ARHGAP15: variants seen among roughly 807,000 people sequenced by gnomAD.
ARHGAP15 encodes the protein rho GTPase-activating protein 15.
A neutral mutation model predicts 63.7 loss-of-function variants in ARHGAP15; 51 were observed. The observed-to-expected ratio is 0.80, with a 90% CI of 0.64 to 1.01. The LOEUF is 1.01. Among genes scored for constraint, ARHGAP15 ranks in the 50% least tolerant of loss-of-function variants. The probability of loss-of-function intolerance (pLI) is 0.00; values close to 1 mark genes in which losing one functional copy is unlikely to be tolerated. For missense variants in ARHGAP15, 560 were observed against 564.6 expected, an observed-to-expected ratio of 0.99 and a Z score of 0.08; for synonymous variants, 191 against 193.8, an observed-to-expected ratio of 0.99 and a Z score of 0.12.
At chr2:143,593,900 C>G (rs981535285) in intron 11 of ARHGAP15, among the ~76,000 whole-genome samples, 1 of 152,032 alleles carries the variant, frequency 6.6e-6, no homozygotes, top group Non-Finnish European at 1.5e-5. Context: ...ATACACGTTA[C>G]AAAAATGATT....
intron 4 of ARHGAP15, among the ~76,000 whole-genome samples, chr2:143,218,269 T>C (rs1692838212): frequency 6.7e-6 from 1 of 149,174 alleles, no homozygotes; most frequent in Non-Finnish European, 1.5e-5. Flanking sequence ...TTATATGTTT[T>C]AGTTTTCCTT....
At position 143,175,961 on chromosome 2, in the gene ARHGAP15, A is replaced by G. The variant is rs77915309; in HGVS notation, c.165+20306A>G. 9.1e-3 allele frequency among the ~76,000 whole-genome samples: 1,382 copies of G among 152,310 alleles called. 25 individuals carry two copies. The highest frequency in any genetic ancestry group is 0.032 in the African/African-American group (1,311 of 41,566). On this transcript the variant is annotated intron_variant, in intron 2 of 13. Coordinates refer to ENST00000295095, the MANE Select transcript of ARHGAP15 (RefSeq NM_018460.4). ...TAGTATAATATACATAATACTTGAA[A>G]GAAATTAGTATGTTATACATTGAAA...
chr2:143,480,749 A>G (rs1300155870), intron 8 of ARHGAP15: 2 of 152,238 alleles, frequency 1.3e-5, no homozygotes, highest in African/African-American at 2.4e-5. Flanking sequence ...CCACTCTGAC[A>G]TAGGGAGTTA....
rs146987888 is a variant in ARHGAP15 at position 143,753,913 on chromosome 2, C to T, written c.1245-14076C>T. On this transcript the variant is annotated intron_variant, in intron 13 of 13. Coordinates refer to ENST00000295095, the MANE Select transcript of ARHGAP15 (RefSeq NM_018460.4). ...AGGCCCTTAAGTTCTCAAACAGTTG[C>T]GCTTTTTATTTTTGCCTTCATCTTC... 4.6e-5 allele frequency among the ~76,000 whole-genome samples: 7 copies of T among 152,280 alleles called. No individual in the cohort carries two copies. The East Asian group carries it at 7.7e-4, about 17-fold the overall frequency.
chr2:143,138,946 A>G (rs1689252210), intron 1 of ARHGAP15, among the ~76,000 whole-genome samples: 1 of 152,104 alleles, frequency 6.6e-6, no homozygotes, highest in Non-Finnish European at 1.5e-5. Flanking sequence ...GCTACAGGAA[A>G]TTTTTAAACT....
intron 6 of ARHGAP15, among the ~76,000 whole-genome samples, chr2:143,417,168 G>T (rs1180121688): frequency 6.6e-6 from 1 of 151,714 alleles, no homozygotes; most frequent in Non-Finnish European, 1.5e-5. Context: ...CTTAAGTCAG[G>T]TCTCTTTATC....
At chr2:143,237,934 A>T (rs2104938038) in intron 5 of ARHGAP15, 1 of 152,306 alleles carries the variant, frequency 6.6e-6, no homozygotes, top group South Asian at 2.1e-4. Flanking sequence ...ACAACTGGCA[A>T]TTTTTACTTT....
chr2:143,176,241 A>G (rs532941099), intron 2 of ARHGAP15, among the ~76,000 whole-genome samples: 2 of 152,326 alleles, frequency 1.3e-5, no homozygotes, highest in African/African-American at 2.4e-5. Flanking sequence ...ATGAGCAATT[A>G]TATAAGAAAA....
rs200971604 is a variant in ARHGAP15, at chr2:143,376,837, A to G, written c.475-58764A>G. 1.2e-4 allele frequency among the ~76,000 whole-genome samples: 18 copies of G among 152,222 alleles called. No homozygotes were observed. In the East Asian group the frequency reaches 2.3e-3, roughly 20 times the overall value. ...AGTTTAATATTTTGAGATGTCGAAT[A>G]TTTAATTTCACAAAACATACTTTTT... On this transcript the variant is annotated intron_variant, in intron 6 of 13. Transcript: ENST00000295095.
intron 6 of ARHGAP15, among the ~76,000 whole-genome samples, chr2:143,287,895 C>G (rs527558057): frequency 6.0e-4 from 92 of 152,180 alleles, no homozygotes; most frequent in Non-Finnish European, 1.1e-3. Flanking sequence ...CTCACCCCTG[C>G]AGGCTATGCC....
At chr2:143,522,493 C>T (rs1016984619) in intron 10 of ARHGAP15, among the ~76,000 whole-genome samples, 6 of 152,074 alleles carry the variant, frequency 3.9e-5, no homozygotes, top group Non-Finnish European at 8.8e-5. Flanking sequence ...AATATTAAAA[C>T]ACGGTTCTGC....
At chr2:143,435,533 A>G (rs1223573432) in intron 6 of ARHGAP15, 68 bp from the exon 7 acceptor site, 1 of 1,423,450 alleles carries the variant, frequency 7.0e-7, no homozygotes, top group East Asian at 2.7e-5. Context: ...GGATTTTTAC[A>G]TGTAAGAGAT....
intron 6 of ARHGAP15, among the ~76,000 whole-genome samples, chr2:143,361,896 C>A (rs529376678): frequency 7.2e-5 from 11 of 152,212 alleles, no homozygotes; most frequent in Non-Finnish European, 1.5e-4. Flanking sequence ...ATCCCAATAG[C>A]CTTTAGGAAA....
intron 6 of ARHGAP15, among the ~76,000 whole-genome samples, chr2:143,331,811 C>G (rs1351360425): frequency 1.3e-5 from 2 of 152,048 alleles, no homozygotes; most frequent in South Asian, 4.1e-4. Context: ...ATTTCTTAAG[C>G]CTGACCTCAG....
At chr2:143,504,779 T>G (rs1202472783) in intron 9 of ARHGAP15, among the ~76,000 whole-genome samples, 1 of 152,228 alleles carries the variant, frequency 6.6e-6, no homozygotes, top group African/African-American at 2.4e-5. Context: ...GCACCTTACC[T>G]TGGCTGTGCA....
At chr2:143,593,625 G>A (rs374056531) in intron 11 of ARHGAP15, among the ~76,000 whole-genome samples, 235 of 152,104 alleles carry the variant, frequency 1.5e-3, no homozygotes, top group African/African-American at 5.1e-3. Flanking sequence ...TAATTAAATC[G>A]CTCATCTGAA....
At chr2:143,358,324 T>C (rs1014076330) in intron 6 of ARHGAP15, among the ~76,000 whole-genome samples, 1 of 152,180 alleles carries the variant, frequency 6.6e-6, no homozygotes, top group African/African-American at 2.4e-5. Context: ...AAATTTCAAA[T>C]GCTTAACAAG....
At chr2:143,746,923 T>C (rs1048792370) in intron 13 of ARHGAP15, among the ~76,000 whole-genome samples, 6 of 152,162 alleles carry the variant, frequency 3.9e-5, no homozygotes, top group Non-Finnish European at 7.4e-5. Flanking sequence ...AACTCAAATG[T>C]GTGTGGCCAT....
intron 3 of ARHGAP15, among the ~76,000 whole-genome samples, chr2:143,203,879 A>C (rs1194960815): frequency 6.6e-6 from 1 of 152,080 alleles, no homozygotes; most frequent in African/African-American, 2.4e-5. Context: ...ACAGCTTTGA[A>C]CTTCAGTACT....
Sources: allele counts gnomAD v4.1 joint callset (sites outside exome capture counted in the v4.1 genomes callset), GRCh38; gene constraint gnomAD v4.1.1; transcripts MANE v1.5; gene names NCBI Gene and HGNC (gene_info 2026-07-23, HGNC 2026-07-21).